LYPLAL1: variants seen among roughly 807,000 people sequenced by gnomAD.
The protein encoded by LYPLAL1 is lysophospholipase like 1.
A neutral mutation model predicts 19.7 loss-of-function variants in LYPLAL1; 23 were observed. The observed-to-expected ratio is 1.17, with a 90% CI of 0.84 to 1.65. The LOEUF (loss-of-function observed/expected upper bound fraction) is 1.65. LYPLAL1 is among the 40% of genes most tolerant of loss of function. The pLI is 0.00. For synonymous variants in LYPLAL1, 119 were observed against 96.3 expected (o/e 1.24, Z -1.38); for missense variants, 355 against 279.4 (o/e 1.27, Z -1.93).
the LYPLAL1 span, among the ~76,000 whole-genome samples, chr1:219,226,370 A>G: frequency 1.3e-5 from 2 of 152,208 alleles, no homozygotes; most frequent in Admixed American, 1.3e-4. Context: ...TAGTTTTTAT[A>G]AAGGCAACAT....
the LYPLAL1 span, among the ~76,000 whole-genome samples, chr1:219,392,851 A>G: frequency 6.6e-6 from 1 of 152,188 alleles, no homozygotes; most frequent in Non-Finnish European, 1.5e-5. Flanking sequence ...TGGAGATAAA[A>G]TATCTATATA....
chr1:219,187,547 T>G (rs1204839708), intron 2 of LYPLAL1, among the ~76,000 whole-genome samples: 1 of 151,760 alleles, frequency 6.6e-6, no homozygotes, highest in East Asian at 1.9e-4. Context: ...AAATAATTTT[T>G]AACAAGCCAT....
At chr1:219,199,747 T>A (rs1657928971) in intron 3 of LYPLAL1, among the ~76,000 whole-genome samples, 1 of 152,122 alleles carries the variant, frequency 6.6e-6, no homozygotes, top group African/African-American at 2.4e-5. Flanking sequence ...CCTGAGTAGC[T>A]GGGACTACAG....
intron 3 of LYPLAL1, among the ~76,000 whole-genome samples, chr1:219,199,621 C>CT (rs895358522): frequency 5.7e-4 from 55 of 95,844 alleles, no homozygotes; most frequent in East Asian, 1.7e-3. Flanking sequence ...TTTTTTTTTT[C>CT]TTTTTTTTTT....
At chr1:219,177,496 AT>A (rs111275274) in intron 1 of LYPLAL1, among the ~76,000 whole-genome samples, 4,882 of 152,198 alleles carry the variant, frequency 0.032, 253 homozygotes, top group African/African-American at 0.11. Flanking sequence ...CCTTGTATGC[AT>A]TACAAAGAGG....
chr1:219,285,529 A>G, the LYPLAL1 span, among the ~76,000 whole-genome samples: 2 of 152,228 alleles, frequency 1.3e-5, no homozygotes, highest in African/African-American at 4.8e-5. Flanking sequence ...GGAATATTAT[A>G]CAGTCACAAA....
the LYPLAL1 span, among the ~76,000 whole-genome samples, chr1:219,425,413 A>C: frequency 1.3e-5 from 2 of 152,214 alleles, no homozygotes; most frequent in Admixed American, 1.3e-4. Context: ...TCAAAATATA[A>C]GCAGTAAGGT....
At chr1:219,280,573 T>G in the LYPLAL1 span, among the ~76,000 whole-genome samples, 1,150 of 152,304 alleles carry the variant, frequency 7.6e-3, 4 homozygotes, top group South Asian at 0.023. Flanking sequence ...AATTATGCAT[T>G]CTGAACAACA....
At chr1:219,341,268 T>C in the LYPLAL1 span, among the ~76,000 whole-genome samples, 2 of 152,134 alleles carry the variant, frequency 1.3e-5, no homozygotes, top group African/African-American at 4.8e-5. Flanking sequence ...TGCATAAAGT[T>C]AATAATTTGA....
the LYPLAL1 span, among the ~76,000 whole-genome samples, chr1:219,340,723 A>G: frequency 6.6e-6 from 1 of 152,030 alleles, no homozygotes; most frequent in Admixed American, 6.6e-5. Flanking sequence ...AGTAACTCTA[A>G]TGAGTTTCCC....
chr1:219,439,854 A>G, the LYPLAL1 span, among the ~76,000 whole-genome samples: 1 of 151,398 alleles, frequency 6.6e-6, no homozygotes, highest in African/African-American at 2.4e-5. Flanking sequence ...AGCAATCCCT[A>G]AAGGACAAAA....
intron 2 of LYPLAL1, among the ~76,000 whole-genome samples, chr1:219,181,018 G>T (rs1233683761): frequency 6.6e-6 from 1 of 152,052 alleles, no homozygotes; most frequent in Non-Finnish European, 1.5e-5. Context: ...CAATAGAAAT[G>T]TAATATGAGC....
At chr1:219,231,366 A>G in the LYPLAL1 span, among the ~76,000 whole-genome samples, 1 of 152,250 alleles carries the variant, frequency 6.6e-6, no homozygotes, top group Non-Finnish European at 1.5e-5. Context: ...GAAGATGTCA[A>G]AGCCCATGGT....
intron 3 of LYPLAL1, among the ~76,000 whole-genome samples, chr1:219,197,898 C>T (rs1392331130): frequency 6.6e-6 from 1 of 152,096 alleles, no homozygotes; most frequent in Non-Finnish European, 1.5e-5. Context: ...GAGAGGTTAC[C>T]TGTTTGAGCA....
At chr1:219,202,245 A>G (rs1489325118) in intron 3 of LYPLAL1, among the ~76,000 whole-genome samples, 2 of 152,166 alleles carry the variant, frequency 1.3e-5, no homozygotes, top group African/African-American at 4.8e-5. Context: ...GTGAAATACA[A>G]ATGTGTCTGA....
chr1:219,423,978 A>G, the LYPLAL1 span, among the ~76,000 whole-genome samples: 1 of 150,326 alleles, frequency 6.7e-6, no homozygotes, highest in East Asian at 1.9e-4. Flanking sequence ...AATGCAGTGT[A>G]TAGTATATAT....
intron 3 of LYPLAL1, among the ~76,000 whole-genome samples, chr1:219,203,559 G>C (rs970228133): frequency 1.3e-5 from 2 of 152,182 alleles, no homozygotes; most frequent in African/African-American, 2.4e-5. Context: ...ATCTTTCTGG[G>C]AGTTGGGAAC....
At chr1:219,270,887 G>A in the LYPLAL1 span, 1 of 152,112 alleles carries the variant, frequency 6.6e-6, no homozygotes, top group South Asian at 2.1e-4. Context: ...AAACAAACAA[G>A]AAAAGAAGGG....
chr1:219,260,949 A>G, the LYPLAL1 span, among the ~76,000 whole-genome samples: 1 of 152,096 alleles, frequency 6.6e-6, no homozygotes, highest in African/African-American at 2.4e-5. Flanking sequence ...CAAGCCGTTT[A>G]TACTTGGAAA....
Sources: allele counts gnomAD v4.1 joint callset (sites outside exome capture counted in the v4.1 genomes callset), GRCh38; gene constraint gnomAD v4.1.1; transcripts MANE v1.5; gene names NCBI Gene and HGNC (gene_info 2026-07-23, HGNC 2026-07-21).